PTH2R: variants seen among roughly 807,000 people sequenced by gnomAD.
PTH2R encodes the protein parathyroid hormone 2 receptor.
A neutral mutation model predicts 60.3 loss-of-function variants in PTH2R; 59 were observed. That is an observed-to-expected ratio of 0.98 (90% CI 0.79 to 1.22). The LOEUF (loss-of-function observed/expected upper bound fraction) is 1.22. Among genes scored for constraint, PTH2R ranks in the 50% most tolerant of loss-of-function variants. The pLI, the probability that PTH2R is intolerant of heterozygous loss-of-function variation, is 0.00. For synonymous variants in PTH2R, 256 were observed against 243.8 expected (o/e 1.05, Z -0.47); for missense variants, 749 against 682.6 (o/e 1.10, Z -1.08).
At chr2:208,447,987 C>A (rs1702324410) in intron 7 of PTH2R, among the ~76,000 whole-genome samples, 1 of 152,030 alleles carries the variant, frequency 6.6e-6, no homozygotes, top group Non-Finnish European at 1.5e-5. Context: ...ATATTAGTAG[C>A]CATCCTTAAT....
chr2:208,478,279 A>G (rs1241558548), intron 9 of PTH2R, among the ~76,000 whole-genome samples: 2 of 152,150 alleles, frequency 1.3e-5, no homozygotes, highest in Admixed American at 1.3e-4. Flanking sequence ...GCTTAAAAGA[A>G]CATGCGTTTG....
intron 9 of PTH2R, among the ~76,000 whole-genome samples, chr2:208,466,997 TA>T (rs1702767839): frequency 6.6e-6 from 1 of 152,278 alleles, no homozygotes; most frequent in East Asian, 1.9e-4. Flanking sequence ...ATTTTGTTCT[TA>T]TTTTTTTTGG....
chr2:208,378,095 G>A (rs1426652249), intron 1 of PTH2R, among the ~76,000 whole-genome samples: 4 of 152,016 alleles, frequency 2.6e-5, no homozygotes, highest in African/African-American at 7.3e-5. Flanking sequence ...TGAGCACTGA[G>A]TGAACCAGAC....
intron 2 of PTH2R, among the ~76,000 whole-genome samples, chr2:208,432,617 G>A (rs538056158): frequency 6.6e-5 from 10 of 152,264 alleles, no homozygotes; most frequent in South Asian, 2.1e-4. Flanking sequence ...TAGGCCATCT[G>A]CAAGCTGGGG....
intron 2 of PTH2R, among the ~76,000 whole-genome samples, chr2:208,428,754 T>C (rs920322331): frequency 4.6e-5 from 7 of 152,220 alleles, no homozygotes; most frequent in African/African-American, 1.4e-4. Flanking sequence ...TTGTTTATGA[T>C]CAGAGAATGT....
intron 7 of PTH2R, 23 bp from the exon 8 acceptor site, chr2:208,450,726 T>C (rs1432610565): frequency 1.2e-6 from 2 of 1,611,632 alleles, no homozygotes; most frequent in Non-Finnish European, 1.7e-6. Flanking sequence ...AAATCTAGTC[T>C]CTGAATCATT....
At chr2:208,408,735 A>AGAGG (rs1701474004) in intron 1 of PTH2R, among the ~76,000 whole-genome samples, 2 of 61,194 alleles carry the variant, frequency 3.3e-5, no homozygotes, top group South Asian at 1.5e-3. Flanking sequence ...AGAGAGAGAG[A>AGAGG]GAGAAAGAGA....
At chr2:208,489,270 G>C in intron 11 of PTH2R, 120 bp downstream of exon 11, 3 of 1,296,266 alleles carry the variant, frequency 2.3e-6, no homozygotes, top group East Asian at 2.4e-5. Flanking sequence ...GGGGAGTTGG[G>C]GGGTGCAGAA....
intron 1 of PTH2R, among the ~76,000 whole-genome samples, chr2:208,380,407 G>A (rs187445906): frequency 3.2e-4 from 49 of 152,096 alleles, no homozygotes; most frequent in African/African-American, 1.2e-3. Context: ...AACCCTGTAA[G>A]TCATGTATGT....
intron 1 of PTH2R, among the ~76,000 whole-genome samples, chr2:208,384,674 A>G (rs1336385745): frequency 2.0e-5 from 3 of 152,266 alleles, no homozygotes; most frequent in Admixed American, 6.5e-5. Flanking sequence ...ACATAGTCCC[A>G]TAAAACAATT....
intron 8 of PTH2R, among the ~76,000 whole-genome samples, chr2:208,454,422 A>G (rs1702469066): frequency 6.6e-6 from 1 of 152,208 alleles, no homozygotes; most frequent in South Asian, 2.1e-4. Flanking sequence ...TGTCCTTATA[A>G]GAAGAGATGC....
chr2:208,444,692 A>G (rs765555837), intron 6 of PTH2R, 42 bp from the exon 7 acceptor site: 10 of 1,584,042 alleles, frequency 6.3e-6, no homozygotes, highest in Admixed American at 3.5e-5. Context: ...CCAGTACAAC[A>G]AAGTGTTCTA....
chr2:208,467,083 C>T (rs1293773080), intron 9 of PTH2R, among the ~76,000 whole-genome samples: 1 of 151,884 alleles, frequency 6.6e-6, no homozygotes, highest in East Asian at 1.9e-4. Flanking sequence ...GGCATCTGTC[C>T]CAGGGAAGAA....
intron 8 of PTH2R, among the ~76,000 whole-genome samples, chr2:208,455,968 G>A (rs755345131): frequency 2.0e-5 from 3 of 152,160 alleles, no homozygotes; most frequent in Non-Finnish European, 4.4e-5. Context: ...GCTGGGCAAG[G>A]TGGCTCATGC....
At chr2:208,391,808 C>A (rs1478378071) in intron 1 of PTH2R, among the ~76,000 whole-genome samples, 3 of 152,218 alleles carry the variant, frequency 2.0e-5, no homozygotes, top group African/African-American at 7.2e-5. Flanking sequence ...CACTAAGGTT[C>A]TGCAGAGCTG....
In PTH2R at chr2:208,428,204, G is replaced by T; in HGVS notation, c.79G>T (p.Asp27Tyr). 1.2e-6 allele frequency: 2 copies of T among 1,609,188 alleles called. No homozygotes were observed. Among genetic ancestry groups the T allele is most frequent in the Admixed American group, 1.7e-5 (1 of 59,804 alleles). ...TGTATTTTGTTCACTTCTACAGCTG[G>T]ATTCTGATGGCACCATTACTATAGA... ...GSCLLARAQL[D>Y]SDGTITIEEQ... Residue 27 changes from aspartate to tyrosine, a missense_variant, in exon 2 of 13, where the codon GAT becomes TAT. Transcript: ENST00000272847.
intron 1 of PTH2R, among the ~76,000 whole-genome samples, chr2:208,381,298 T>C (rs1464670816): frequency 6.6e-6 from 1 of 152,164 alleles, no homozygotes; most frequent in East Asian, 1.9e-4. Context: ...GTATCTTCAG[T>C]GTTTATTACT....
chr2:208,489,839 A>G (rs763364447), intron 11 of PTH2R, among the ~76,000 whole-genome samples: 1 of 152,146 alleles, frequency 6.6e-6, no homozygotes, highest in Non-Finnish European at 1.5e-5. Flanking sequence ...AAGTTAGGGC[A>G]CAATATTGCT....
At chr2:208,419,871 A>G (rs1340942908) in intron 1 of PTH2R, among the ~76,000 whole-genome samples, 3 of 152,164 alleles carry the variant, frequency 2.0e-5, no homozygotes, top group Non-Finnish European at 4.4e-5. Context: ...AATAGCAAAG[A>G]CTTGGAACCA....
Sources: allele counts gnomAD v4.1 joint callset (sites outside exome capture counted in the v4.1 genomes callset), GRCh38; gene constraint gnomAD v4.1.1; transcripts MANE v1.5; gene names NCBI Gene and HGNC (gene_info 2026-07-23, HGNC 2026-07-21).